OXR1: variants seen among roughly 807,000 people sequenced by gnomAD.
OXR1 encodes oxidation resistance 1, also known as oxidation resistance protein 1.
A neutral mutation model predicts 104.6 loss-of-function variants in OXR1; 41 were observed. That is an observed-to-expected ratio of 0.39 (90% CI 0.31 to 0.51). The LOEUF (loss-of-function observed/expected upper bound fraction) is 0.51, where lower values mean the gene tolerates loss of function less well. Among genes scored for constraint, OXR1 ranks in the 20% least tolerant of loss-of-function variants. The pLI is 0.77. For missense variants in OXR1, 955 were observed against 1,031.9 expected, an observed-to-expected ratio of 0.93 and a Z score of 1.02; for synonymous variants, 348 against 348.4, an observed-to-expected ratio of 1.00 and a Z score of 0.01.
At chr8:106,281,845 A>G (rs1376681357) in intron 1 of OXR1, among the ~76,000 whole-genome samples, 1 of 150,136 alleles carries the variant, frequency 6.7e-6, no homozygotes, top group African/African-American at 2.4e-5. Flanking sequence ...AGAAAGCAGG[A>G]GTACTTAGAA....
At chr8:106,427,970 T>C (rs540064832) in intron 2 of OXR1, among the ~76,000 whole-genome samples, 9 of 152,328 alleles carry the variant, frequency 5.9e-5, no homozygotes, top group East Asian at 1.9e-4. Flanking sequence ...TCTATGATAA[T>C]GGAAATATTC....
intron 3 of OXR1, among the ~76,000 whole-genome samples, chr8:106,651,635 G>A (rs746678360): frequency 7.9e-5 from 12 of 151,994 alleles, no homozygotes; most frequent in Non-Finnish European, 1.3e-4. Flanking sequence ...CTATTCTTAC[G>A]CCAGTACTAC....
intron 3 of OXR1, chr8:106,581,284 T>G: frequency 1.6e-6 from 2 of 1,270,516 alleles, no homozygotes; most frequent in South Asian, 2.5e-5. Flanking sequence ...TTCTATTTTT[T>G]TTTAATTTTT....
At chr8:106,717,370 G>A (rs778264867) in intron 11 of OXR1, among the ~76,000 whole-genome samples, 1 of 152,026 alleles carries the variant, frequency 6.6e-6, no homozygotes, top group Non-Finnish European at 1.5e-5. Flanking sequence ...GTTCTACAAA[G>A]GAATGGAGAA....
chr8:106,351,174 T>A (rs1331089552), intron 1 of OXR1, among the ~76,000 whole-genome samples: 1 of 152,178 alleles, frequency 6.6e-6, no homozygotes, highest in African/African-American at 2.4e-5. Context: ...TGTAAAACAT[T>A]TATCATTTTT....
intron 1 of OXR1, among the ~76,000 whole-genome samples, chr8:106,302,102 C>A (rs752944140): frequency 3.3e-5 from 5 of 152,148 alleles, no homozygotes; most frequent in Non-Finnish European, 7.4e-5. Context: ...GGCCTCCTAA[C>A]TTTATAAAGA....
intron 2 of OXR1, among the ~76,000 whole-genome samples, chr8:106,468,927 C>T (rs1048092807): frequency 4.0e-5 from 6 of 151,418 alleles, no homozygotes; most frequent in Non-Finnish European, 8.9e-5. Context: ...GGTAGTCAGT[C>T]GCCATAAGAA....
chr8:106,474,610 GT>G (rs1821701508), intron 2 of OXR1, among the ~76,000 whole-genome samples: 1 of 151,802 alleles, frequency 6.6e-6, no homozygotes, highest in South Asian at 2.1e-4. Flanking sequence ...CATAAATGAA[GT>G]TTTATTAGAA....
At chr8:106,700,125 G>A (rs749237029) in intron 7 of OXR1, among the ~76,000 whole-genome samples, 2 of 152,108 alleles carry the variant, frequency 1.3e-5, no homozygotes, top group Non-Finnish European at 2.9e-5. Context: ...AATGGAAGTT[G>A]TTAATACAAA....
intron 7 of OXR1, among the ~76,000 whole-genome samples, chr8:106,694,073 A>G (rs1457736771): frequency 6.6e-6 from 1 of 151,960 alleles, no homozygotes; most frequent in Non-Finnish European, 1.5e-5. Flanking sequence ...TTTCTAGATA[A>G]CTGTCTTTTA....
At chr8:106,689,397 A>G (rs1233243181) in intron 6 of OXR1, among the ~76,000 whole-genome samples, 1 of 152,094 alleles carries the variant, frequency 6.6e-6, no homozygotes, top group Non-Finnish European at 1.5e-5. Flanking sequence ...ACCTTACCTT[A>G]AATTAATAAT....
At chr8:106,535,195 C>A (rs763128943) in intron 3 of OXR1, among the ~76,000 whole-genome samples, 23 of 152,230 alleles carry the variant, frequency 1.5e-4, no homozygotes, top group Non-Finnish European at 2.4e-4. Context: ...GATCTCCTGA[C>A]CTCGTAGCAC....
At chr8:106,684,553 C>A (rs1828504581) in intron 6 of OXR1, among the ~76,000 whole-genome samples, 194 bp downstream of exon 6, 1 of 152,118 alleles carries the variant, frequency 6.6e-6, no homozygotes, top group Non-Finnish European at 1.5e-5. Flanking sequence ...AATTGACTTA[C>A]CTTTGTAGGT....
At chr8:106,554,838 C>T (rs1234114848) in intron 3 of OXR1, among the ~76,000 whole-genome samples, 1 of 152,024 alleles carries the variant, frequency 6.6e-6, no homozygotes, top group Non-Finnish European at 1.5e-5. Context: ...TTCTTAACCC[C>T]AGATTAAAGC....
chr8:106,582,211 C>CAT (rs767373142), intron 3 of OXR1, among the ~76,000 whole-genome samples: 1,817 of 114,124 alleles, frequency 0.016, 35 homozygotes, highest in African/African-American at 0.049. Flanking sequence ...TATGAAGGAA[C>CAT]ATATATATAT....
chr8:106,378,266 C>T (rs1318264929), intron 2 of OXR1, among the ~76,000 whole-genome samples: 1 of 152,164 alleles, frequency 6.6e-6, no homozygotes, highest in Admixed American at 6.5e-5. Context: ...CGCAGCATTG[C>T]AGAAATAGCA....
intron 2 of OXR1, among the ~76,000 whole-genome samples, chr8:106,446,541 C>T (rs2130602212): frequency 6.6e-6 from 1 of 151,542 alleles, no homozygotes; most frequent in Non-Finnish European, 1.5e-5. Context: ...TTGCTTGAAC[C>T]TGGGAGGCGG....
At chr8:106,368,834 C>T (rs1816593590) in intron 2 of OXR1, among the ~76,000 whole-genome samples, 1 of 152,146 alleles carries the variant, frequency 6.6e-6, no homozygotes, top group South Asian at 2.1e-4. Flanking sequence ...CATGTCTTTG[C>T]TATGGTAAAT....
chr8:106,438,949 GAT>G (rs1236261289), intron 2 of OXR1, among the ~76,000 whole-genome samples: 1 of 152,082 alleles, frequency 6.6e-6, no homozygotes, highest in Non-Finnish European at 1.5e-5. Context: ...CTGTTCTTGG[GAT>G]AATTAAATGA....
Sources: gnomAD v4.1 joint callset for allele counts (sites outside exome capture counted in the v4.1 genomes callset) on GRCh38, gnomAD v4.1.1 for gene constraint, MANE v1.5 for transcripts, NCBI Gene and HGNC (gene_info 2026-07-23, HGNC 2026-07-21) for gene names.